Variants in PABPC4L observed in about 807,000 individuals in gnomAD.
The protein encoded by PABPC4L is polyadenylate-binding protein 4-like.
For missense variants in PABPC4L, 452 were observed against 451.4 expected, an observed-to-expected ratio of 1.00 and a Z score of -0.01; for synonymous variants, 169 against 164.1, an observed-to-expected ratio of 1.03 and a Z score of -0.23.
chr4:134,169,714 A>C, the PABPC4L span, among the ~76,000 whole-genome samples: 1 of 152,122 alleles, frequency 6.6e-6, no homozygotes, highest in Admixed American at 6.6e-5. Flanking sequence ...AATACCTGGG[A>C]ATATACTTGG....
chr4:134,169,293 A>G, the PABPC4L span, among the ~76,000 whole-genome samples: 1 of 152,058 alleles, frequency 6.6e-6, no homozygotes. Context: ...TGTAGAAGGA[A>G]CAAATCTCAA....
the PABPC4L span, among the ~76,000 whole-genome samples, chr4:134,125,212 A>G: frequency 2.0e-5 from 3 of 152,064 alleles, no homozygotes; most frequent in African/African-American, 7.2e-5. Context: ...AAAAAAACCA[A>G]GAGCTCTATA....
chr4:134,103,688 A>T, the PABPC4L span, among the ~76,000 whole-genome samples: 1 of 151,802 alleles, frequency 6.6e-6, no homozygotes, highest in Non-Finnish European at 1.5e-5. Flanking sequence ...CAAGTAGATA[A>T]AGGAAAATAA....
At chr4:133,998,847 T>G in the PABPC4L span, among the ~76,000 whole-genome samples, 1 of 152,026 alleles carries the variant, frequency 6.6e-6, no homozygotes, top group African/African-American at 2.4e-5. Context: ...TTCATTTGAA[T>G]GTTTTAATTT....
At chr4:134,170,404 A>G in the PABPC4L span, among the ~76,000 whole-genome samples, 2 of 152,160 alleles carry the variant, frequency 1.3e-5, no homozygotes, top group Non-Finnish European at 2.9e-5. Context: ...GTATCAGTCC[A>G]TTCTTGCACT....
chr4:134,062,296 G>A, the PABPC4L span, among the ~76,000 whole-genome samples: 1 of 151,850 alleles, frequency 6.6e-6, no homozygotes, highest in Admixed American at 6.6e-5. Context: ...GATTTTTCAT[G>A]AGACTCGCAG....
downstream of PABPC4L, chr4:134,196,191 T>C (rs1729650305): frequency 6.6e-6 from 1 of 151,478 alleles, no homozygotes; most frequent in South Asian, 2.1e-4. Context: ...GAAATACTAG[T>C]TCATAAAGAA....
the PABPC4L span, among the ~76,000 whole-genome samples, chr4:134,002,089 TTCTCCAATATG>T: frequency 6.7e-6 from 1 of 149,040 alleles, no homozygotes; most frequent in Non-Finnish European, 1.5e-5. Context: ...ATGTTCTCTA[TTCTCCAATATG>T]TGGCTTCTTC....
At chr4:134,140,875 G>GA in the PABPC4L span, among the ~76,000 whole-genome samples, 15 of 151,204 alleles carry the variant, frequency 9.9e-5, no homozygotes, top group Admixed American at 3.3e-4. Flanking sequence ...AGTCCTTAGG[G>GA]AAAAAAAATG....
chr4:133,981,444 A>G, the PABPC4L span, among the ~76,000 whole-genome samples: 2 of 152,124 alleles, frequency 1.3e-5, no homozygotes, highest in East Asian at 3.9e-4. Flanking sequence ...AATTCTATTG[A>G]AAAAAATAGA....
chr4:134,014,074 A>T, the PABPC4L span, among the ~76,000 whole-genome samples: 2 of 152,152 alleles, frequency 1.3e-5, no homozygotes, highest in African/African-American at 2.4e-5. Context: ...AAACATAAAA[A>T]TCCAGTCCAG....
the PABPC4L span, among the ~76,000 whole-genome samples, chr4:134,037,722 G>C: frequency 3.9e-5 from 6 of 152,006 alleles, no homozygotes; most frequent in African/African-American, 1.5e-4. Flanking sequence ...AACACTTTAG[G>C]GTGAGACGAT....
At chr4:134,046,661 G>A in the PABPC4L span, among the ~76,000 whole-genome samples, 1 of 151,294 alleles carries the variant, frequency 6.6e-6, no homozygotes, top group Non-Finnish European at 1.5e-5. Flanking sequence ...CAATACTCAG[G>A]CTTTCTTGGG....
At position 134,199,864 on chromosome 4, in the gene PABPC4L, C is replaced by A; in HGVS notation, c.*43G>T. The A allele has an allele frequency of 6.5e-7, 1 of 1,540,806 alleles. No individual in the cohort carries two copies. On this transcript the variant is annotated 3_prime_UTR_variant, in exon 2 of 2. Coordinates refer to ENST00000421491, the MANE Select transcript of PABPC4L (RefSeq NM_001114734.2). ...TCAGGCAGAGATCACTATCATTCTC[C>A]CACCTGCTGCAGATACTAGCTGGAA...
At chr4:134,049,695 C>T in the PABPC4L span, among the ~76,000 whole-genome samples, 1 of 152,150 alleles carries the variant, frequency 6.6e-6, no homozygotes, top group Non-Finnish European at 1.5e-5. Flanking sequence ...TCTCCTACGG[C>T]CAGATCAGGA....
chr4:134,166,537 T>C, the PABPC4L span, among the ~76,000 whole-genome samples: 31 of 152,084 alleles, frequency 2.0e-4, no homozygotes, highest in Non-Finnish European at 3.7e-4. Flanking sequence ...GGCACCATCC[T>C]CTTGGGCAGG....
At chr4:133,952,933 A>T in the PABPC4L span, among the ~76,000 whole-genome samples, 2 of 152,116 alleles carry the variant, frequency 1.3e-5, no homozygotes, top group African/African-American at 4.8e-5. Flanking sequence ...GATACTGTTA[A>T]CTTTTCCCTA....
the PABPC4L span, among the ~76,000 whole-genome samples, chr4:133,985,448 T>C: frequency 6.6e-6 from 1 of 151,972 alleles, no homozygotes; most frequent in Non-Finnish European, 1.5e-5. Context: ...AAGAAGTTTC[T>C]CCAATTACAA....
the PABPC4L span, among the ~76,000 whole-genome samples, chr4:133,996,371 C>T: frequency 2.0e-5 from 3 of 152,120 alleles, no homozygotes; most frequent in East Asian, 5.8e-4. Flanking sequence ...ATTCTGAGAA[C>T]CATGGGTTAT....
Sources: allele counts gnomAD v4.1 joint callset (sites outside exome capture counted in the v4.1 genomes callset), GRCh38; gene constraint gnomAD v4.1.1; transcripts MANE v1.5; gene names NCBI Gene and HGNC (gene_info 2026-07-23, HGNC 2026-07-21).